The following CHTF18 variants were observed in gnomAD, a reference collection of about 807,000 sequenced individuals.
CHTF18 encodes chromosome transmission fidelity protein 18 homolog.
Under a neutral mutation model 113.4 loss-of-function variants are expected in CHTF18, and 151 were observed. The observed-to-expected ratio is 1.33, with a 90% CI of 1.17 to 1.52. CHTF18 has a LOEUF of 1.52. Ranked by LOEUF, CHTF18 falls within the 40% of genes most tolerant of loss-of-function variation. The pLI, the probability that CHTF18 is intolerant of heterozygous loss-of-function variation, is 0.00. For missense variants in CHTF18, 1,982 were observed against 1,381.6 expected, an observed-to-expected ratio of 1.43 and a Z score of -6.89; for synonymous variants, 916 against 598.8, an observed-to-expected ratio of 1.53 and a Z score of -7.74.
intron 14 of CHTF18, among the ~76,000 whole-genome samples, 187 bp downstream of exon 14, chr16:793,461 G>A (rs1003948739): frequency 6.6e-6 from 1 of 152,104 alleles, no homozygotes; most frequent in African/African-American, 2.4e-5. Context: ...ACAGCCTTGG[G>A]GGGTCAGCTA....
chr16:790,594 A>G lies in CHTF18; in HGVS notation c.822A>G (p.Gln274=), dbSNP rs2042169067. 6.3e-7 allele frequency: 1 copy of G among 1,597,386 alleles called. No homozygotes were observed. Among genetic ancestry groups the G allele is most frequent in the Non-Finnish European group, 8.5e-7 (1 of 1,173,060 alleles). Residue 274 remains glutamine, a synonymous_variant, in exon 7 of 22, where the codon CAA becomes CAG. Transcript: ENST00000262315. ...CTGAGGAGGAGCCGACTGACGGTCA[A>G]GACGCCTCCAGTCACTGCCTCTGGG... ...GAPEEEPTDG[Q]DASSHCLWVD...
rs761972407 is a variant in CHTF18 at position 795,932 on chromosome 16, C to T, written c.2326-15C>T. On this transcript the variant is annotated splice_polypyrimidine_tract_variant and intron_variant, in intron 17 of 21. Coordinates refer to ENST00000262315, the MANE Select transcript of CHTF18 (RefSeq NM_022092.3). ...AGCCTGCTCAGCTCCCTGTCTGCTG[C>T]CTCCCATCCCCTAGGTGAGCACACA... 22 of 1,603,328 alleles carry T rather than the reference C, an allele frequency of 1.4e-5. No individual in the cohort carries two copies. The highest frequency in any genetic ancestry group is 4.5e-5 in the East Asian group (2 of 44,630).
In CHTF18 at chr16:798,059, C is replaced by G. The variant is rs1038834696; in HGVS notation, c.*84C>G. On this transcript the variant is annotated 3_prime_UTR_variant, in exon 22 of 22. Transcript: ENST00000262315. Reference sequence around the variant, plus strand: ...CTGGAGATGTCTTTATAAAGTCACACCTTTACAGACTGTAATCACGTGCGA... The same window carrying G: ...CTGGAGATGTCTTTATAAAGTCACAGCTTTACAGACTGTAATCACGTGCGA... 6.7e-7 allele frequency: 1 copy of G among 1,500,290 alleles called. No individual in the cohort carries two copies. The highest frequency in any genetic ancestry group is 1.9e-5 in the Admixed American group (1 of 52,976). The allele number at this position is 1,500,290 out of a possible 1,614,324, so 92.9% of individuals were successfully genotyped here.
Position 792,602 on chromosome 16 carries a change from G to A in CHTF18, c.1478+12G>A, listed in dbSNP as rs773232086. On this transcript the variant is annotated intron_variant, in intron 11 of 21. Transcript: ENST00000262315. ...ATTTGCAATGACCAGTGAGTGCATG[G>A]GCGGGCGCCACAGTCAGGAGAGGCT... 20 of 1,594,380 alleles carry A rather than the reference G, an allele frequency of 1.3e-5. No homozygotes were observed. In the South Asian group the frequency reaches 1.9e-4, roughly 15 times the overall value.
chr16:796,741 C>G lies in CHTF18; in HGVS notation c.2481C>G (p.Phe827Leu). 1 of 1,604,566 alleles carries G rather than the reference C, an allele frequency of 6.2e-7. No individual in the cohort carries two copies. Among genetic ancestry groups the G allele is most frequent in the South Asian group, 1.1e-5 (1 of 91,044 alleles). Residue 827 changes from phenylalanine to leucine, a missense_variant, in exon 19 of 22, where the codon TTC (phenylalanine) becomes TTG (leucine). Coordinates refer to ENST00000262315, the MANE Select transcript of CHTF18 (RefSeq NM_022092.3). ...GGAACGTGGAGGAACTCTGCCGCTTCCCTGAGCTGCCTGCCCGCAAGCCCC... is the reference window on the plus strand; with the variant it reads ...GGAACGTGGAGGAACTCTGCCGCTTGCCTGAGCTGCCTGCCCGCAAGCCCC... ...LEPNVEELCR[F>L]PELPARKPLT... is the part of the protein sequence containing the mutation.
At position 790,537 on chromosome 16, in the gene CHTF18, G is replaced by A. The variant is rs2042167044; in HGVS notation, c.765G>A (p.Gly255=). 6.3e-7 allele frequency: 1 copy of A among 1,599,542 alleles called. No homozygotes were observed. Among genetic ancestry groups the A allele is most frequent in the South Asian group, 1.1e-5 (1 of 88,732 alleles). ...TGGTCCTCTCCAGTCTCAGGTCGGGGGAGGAGGAGGCAGCCCAGCCCTTGG... is the reference window on the plus strand; with the variant it reads ...TGGTCCTCTCCAGTCTCAGGTCGGGAGAGGAGGAGGCAGCCCAGCCCTTGG... The part of the protein sequence containing the change: ...LSDTLHSLRS[G]EEEAAQPLGA... The change falls in exon 7 of 22, where the codon GGG becomes GGA. Residue 255 remains glycine, a synonymous_variant. Coordinates refer to ENST00000262315, the MANE Select transcript of CHTF18 (RefSeq NM_022092.3).
rs375884550 is a variant in CHTF18 at position 796,821 on chromosome 16, G to A, written c.2561G>A (p.Arg854Gln). The change falls in exon 19 of 22, where the codon CGG becomes CAG. Residue 854 changes from arginine (R) to glutamine (Q), a missense_variant. Coordinates refer to ENST00000262315, the MANE Select transcript of CHTF18 (RefSeq NM_022092.3). ...IAREIEVEKM[R>Q]RAEASARVEN... is the part of the protein sequence containing the mutation. ...CGCGAGATCGAGGTGGAGAAGATGCGGCGGGCGGAGGCTTCTGCCCGGGTA... is the reference window on the plus strand; with the variant it reads ...CGCGAGATCGAGGTGGAGAAGATGCAGCGGGCGGAGGCTTCTGCCCGGGTA... 5.0e-6 allele frequency: 8 copies of A among 1,607,132 alleles called. No homozygotes were observed. In the African/African-American group the frequency reaches 5.3e-5, roughly 11 times the overall value.
intron 7 of CHTF18, chr16:790,888 TC>T: frequency 7.0e-7 from 1 of 1,432,214 alleles, no homozygotes; most frequent in South Asian, 1.5e-5. Context: ...TGTCACCTGA[TC>T]CAAGTCTCTG....
chr16:794,070 GA>G lies in CHTF18; in HGVS notation c.1820del (p.Asp607AlafsTer124). 2 of 1,611,434 alleles carry G rather than the reference GA, an allele frequency of 1.2e-6. No individual in the cohort carries two copies. Among genetic ancestry groups the G allele is most frequent in the Non-Finnish European group, 1.7e-6 (2 of 1,179,534 alleles). On this transcript the variant is annotated frameshift_variant, in exon 15 of 22. Transcript: ENST00000262315. LOFTEE classifies it high-confidence loss of function. ...CACCTGCAGGCGCCGTGTGGGCCAG[GA>G]CCCCGCCCTGCCTGCTGACACACTC... The part of the protein sequence containing the change: ...PRAQRRRVGQ[D>X]PALPADTLLL...
At position 788,760 on chromosome 16, in the gene CHTF18, C is replaced by T. The variant is rs747966517; in HGVS notation, c.76C>T (p.Leu26=). ...HNQFAAELEV[L]AELEGASTPS... is the part of the protein sequence containing the mutation. ...CCAGTTCGCGGCCGAGCTGGAGGTG[C>T]TGGCAGAGCTGGAAGGTGGGGCGCG... The change falls in exon 1 of 22, where the codon CTG becomes TTG. Residue 26 remains leucine, a synonymous_variant. Transcript: ENST00000262315. 6.3e-7 allele frequency: 1 copy of T among 1,597,938 alleles called. No homozygotes were observed. Among genetic ancestry groups the T allele is most frequent in the Non-Finnish European group, 8.5e-7 (1 of 1,173,524 alleles).
chr16:794,876 A>G (rs998469118), intron 15 of CHTF18: 3 of 479,586 alleles, frequency 6.3e-6, no homozygotes, highest in Non-Finnish European at 7.0e-6. Flanking sequence ...GTCTCTGTCA[A>G]GTCAGTCTCT....
intron 7 of CHTF18, 157 bp from the exon 8 acceptor site, chr16:791,004 G>A (rs2042181188): frequency 1.4e-6 from 2 of 1,467,132 alleles, no homozygotes; most frequent in African/African-American, 2.8e-5. Flanking sequence ...AGCCCCTGGT[G>A]TGAGCCTTGC....
rs780501159 is a variant in CHTF18, at chr16:790,680, C to T, written c.894+14C>T. 20 of 1,527,298 alleles carry T rather than the reference C, an allele frequency of 1.3e-5. No individual in the cohort carries two copies. In the East Asian group the frequency reaches 2.5e-4, roughly 19 times the overall value. 94.6% of individuals were successfully genotyped at this position (1,527,298 alleles called of 1,614,324 possible). ...CTCAGTGATGACGTGAGGTCTTGTT[C>T]TCACTCAAGTGTGGCTGGCTTCCTC... is the stretch of plus-strand genomic sequence containing the variant. On this transcript the variant is annotated intron_variant, in intron 7 of 21. Transcript: ENST00000262315.
At chr16:788,796 G>T (rs750936230) in intron 1 of CHTF18, 21 bp downstream of exon 1, 6 of 1,579,902 alleles carry the variant, frequency 3.8e-6, no homozygotes, top group South Asian at 1.2e-5. Context: ...GCCCCCGGCC[G>T]TTGGGGAGGA....
intron 14 of CHTF18, chr16:793,615 CT>C: frequency 1.9e-6 from 1 of 532,814 alleles, no homozygotes; most frequent in South Asian, 2.0e-5. Flanking sequence ...GCTGTGGTCT[CT>C]GAGCCCCTGC....
chr16:792,293 T>C lies in CHTF18; in HGVS notation c.1272T>C (p.Gly424=), dbSNP rs772809510. The part of the protein sequence containing the change: ...EAATQMESVL[G]AGGKPNCLVI... The stretch of plus-strand genomic sequence containing the variant: ...CCACCCAGATGGAGTCGGTGCTGGG[T>C]GCTGGCGGGAAGCCCAACTGCCTGG... Residue 424 remains glycine (G), a synonymous_variant, in exon 10 of 22, where the codon GGT becomes GGC. Transcript: ENST00000262315. The C allele has an allele frequency of 1.7e-5, 26 of 1,555,490 alleles. 1 individual carries two copies. The Admixed American group carries it at 4.7e-4, about 28-fold the overall frequency.
chr16:796,070 C>G lies in CHTF18; in HGVS notation c.2449C>G (p.Leu817Val), dbSNP rs765385531. 4 of 1,601,938 alleles carry G rather than the reference C, an allele frequency of 2.5e-6. No individual in the cohort carries two copies. In the South Asian group the frequency reaches 3.4e-5, roughly 14 times the overall value. The change falls in exon 18 of 22, where the codon CTG (leucine) becomes GTG (valine). Residue 817 changes from leucine to valine, a missense_variant. Physicochemically the swap from Leu to Val is conservative, Grantham distance 32 (BLOSUM62 1). Coordinates refer to ENST00000262315, the MANE Select transcript of CHTF18 (RefSeq NM_022092.3). ...GCCCGATGGCCAGTACATCTACAGG[C>G]TGGAGCCGTGAGTCCCCCAGTGCCT... Reference protein sequence around the residue: ...RTPDGQYIYRLEPNVEELCRF... With the variant: ...RTPDGQYIYRVEPNVEELCRF...
intron 17 of CHTF18, 53 bp downstream of exon 17, chr16:795,887 A>G: frequency 6.2e-7 from 1 of 1,601,908 alleles, no homozygotes; most frequent in Non-Finnish European, 8.5e-7. Context: ...CTCCTGTCCT[A>G]GGTGAGCACA....
chr16:792,464 T>A lies in CHTF18; in HGVS notation c.1352T>A (p.Ile451Asn). 6.3e-7 allele frequency: 1 copy of A among 1,575,438 alleles called. No individual in the cohort carries two copies. Among genetic ancestry groups the A allele is most frequent in the Non-Finnish European group, 8.6e-7 (1 of 1,160,876 alleles). Reference protein sequence around the residue: ...PVAAINVLLSILNRKGPQEVG... With the variant: ...PVAAINVLLSNLNRKGPQEVG... ...GCCGCCATCAACGTCCTCCTGAGCA[T>A]CCTGAACCGCAAGGGGCCACAGGAG... The change falls in exon 11 of 22, where the codon ATC becomes AAC. Residue 451 changes from isoleucine to asparagine, a missense_variant. Transcript: ENST00000262315.
Sources: gnomAD v4.1 joint callset for allele counts (sites outside exome capture counted in the v4.1 genomes callset) on GRCh38, gnomAD v4.1.1 for gene constraint, MANE v1.5 for transcripts, NCBI Gene and HGNC (gene_info 2026-07-23, HGNC 2026-07-21) for gene names.